UTRN: variants seen among roughly 807,000 people sequenced by gnomAD.
The protein encoded by UTRN is utrophin, also known as dystrophin-related protein 1.
Under a neutral mutation model 463.9 loss-of-function variants are expected in UTRN, and 283 were observed. That is an observed-to-expected ratio of 0.61 (90% CI 0.55 to 0.67). The LOEUF (loss-of-function observed/expected upper bound fraction) is 0.67, where lower values mean the gene tolerates loss of function less well. Among genes scored for constraint, UTRN ranks in the 30% least tolerant of loss-of-function variants. The pLI is 0.00. For missense variants in UTRN, 3,922 were observed against 4,084.3 expected (o/e 0.96, Z 1.08); for synonymous variants, 1,442 against 1,431.5 (o/e 1.01, Z -0.17).
rs77851604 is a variant in UTRN, at chr6:144,605,019, C to G, written c.7479+27731C>G. On this transcript the variant is annotated intron_variant, in intron 51 of 74. Coordinates refer to ENST00000367545, the MANE Select transcript of UTRN (RefSeq NM_007124.3). Reference sequence around the variant, plus strand: ...CATATTTATGGAAGAATCCACTTCTCACGATATATCGTTGGCTTCCCTGCA... The same window carrying G: ...CATATTTATGGAAGAATCCACTTCTGACGATATATCGTTGGCTTCCCTGCA... Among the ~76,000 whole-genome samples, 1,271 of 152,260 alleles carry G rather than the reference C, an allele frequency of 8.3e-3. 11 individuals carry two copies. Among genetic ancestry groups the G allele is most frequent in the South Asian group, 0.029 (138 of 4,822 alleles).
At chr6:144,480,059 C>G in intron 26 of UTRN, 77 bp downstream of exon 26, 3 of 1,512,942 alleles carry the variant, frequency 2.0e-6, no homozygotes, top group Non-Finnish European at 2.7e-6. Context: ...AATCATCTGT[C>G]TATCTGTCAA....
At chr6:144,341,896 G>C (rs888116035) in intron 2 of UTRN, among the ~76,000 whole-genome samples, 5 of 152,274 alleles carry the variant, frequency 3.3e-5, no homozygotes, top group Admixed American at 3.3e-4. Flanking sequence ...AGCTGTACCA[G>C]GAACAATGTT....
chr6:144,630,451 A>G (rs1164073572), intron 51 of UTRN, among the ~76,000 whole-genome samples: 1 of 152,168 alleles, frequency 6.6e-6, no homozygotes. Context: ...AGGAGGAGCA[A>G]AGTCACGTCT....
intron 74 of UTRN, among the ~76,000 whole-genome samples, chr6:144,847,965 A>C (rs916841288): frequency 2.6e-5 from 4 of 152,182 alleles, no homozygotes; most frequent in Admixed American, 2.0e-4. Flanking sequence ...CTTGTTTACT[A>C]ATCTTTTTGA....
chr6:144,514,078 T>A (rs772974991), intron 36 of UTRN, 41 bp downstream of exon 36: 2 of 1,610,216 alleles, frequency 1.2e-6, no homozygotes, highest in African/African-American at 2.7e-5. Flanking sequence ...GGGAGTGGCA[T>A]GTTTTGTTGT....
At chr6:144,798,323 G>T (rs4398764) in intron 64 of UTRN, among the ~76,000 whole-genome samples, 8,964 of 152,144 alleles carry the variant, frequency 0.059, 874 homozygotes, top group African/African-American at 0.2. Flanking sequence ...GATGGAATTT[G>T]GTAAATATTC....
intron 18 of UTRN, 50 bp from the exon 19 acceptor site, chr6:144,453,732 A>C: frequency 6.6e-7 from 1 of 1,525,188 alleles, no homozygotes; most frequent in South Asian, 1.2e-5. Context: ...CAGCAACATT[A>C]TATTGAGAAG....
At chr6:144,653,320 T>TCACG (rs1779012511) in intron 51 of UTRN, among the ~76,000 whole-genome samples, 2 of 152,194 alleles carry the variant, frequency 1.3e-5, no homozygotes, top group South Asian at 4.1e-4. Context: ...GCACGGTGGC[T>TCACG]CACGCCTGTA....
intron 53 of UTRN, among the ~76,000 whole-genome samples, chr6:144,713,817 G>A (rs1433443499): frequency 1.3e-5 from 2 of 151,622 alleles, no homozygotes; most frequent in Non-Finnish European, 1.5e-5. Flanking sequence ...CTACTCGGGA[G>A]GCTGAGGCAG....
chr6:144,516,159 C>T, intron 37 of UTRN, 70 bp from the exon 38 acceptor site: 1 of 1,482,980 alleles, frequency 6.7e-7, no homozygotes, highest in South Asian at 1.2e-5. Context: ...TCTTGACACC[C>T]CATCTCTCTG....
At chr6:144,789,081 A>T in intron 61 of UTRN, 113 bp from the exon 62 acceptor site, 1 of 823,020 alleles carries the variant, frequency 1.2e-6, no homozygotes. Context: ...TGCATCTTTA[A>T]GATACAATTA....
intron 25 of UTRN, among the ~76,000 whole-genome samples, chr6:144,476,508 T>G (rs1791219867): frequency 6.6e-6 from 1 of 152,150 alleles, no homozygotes; most frequent in Admixed American, 6.5e-5. Context: ...AAGCTTCCAC[T>G]TTGTGTGAAT....
intron 2 of UTRN, among the ~76,000 whole-genome samples, chr6:144,311,332 G>A (rs1397195450): frequency 3.3e-5 from 5 of 152,216 alleles, no homozygotes; most frequent in Non-Finnish European, 5.9e-5. Flanking sequence ...CTATACAGCA[G>A]AGTTTGGGGG....
intron 50 of UTRN, among the ~76,000 whole-genome samples, chr6:144,569,435 A>G (rs750176575): frequency 1.5e-4 from 23 of 152,148 alleles, no homozygotes; most frequent in Non-Finnish European, 3.2e-4. Flanking sequence ...GCATGCAATA[A>G]GCAAAATTAA....
At chr6:144,403,331 C>A in intron 3 of UTRN, 147 bp downstream of exon 3, 1 of 711,210 alleles carries the variant, frequency 1.4e-6, no homozygotes, top group Non-Finnish European at 2.4e-6. Context: ...TTCCTTTATT[C>A]TGTCCTAAAA....
intron 66 of UTRN, among the ~76,000 whole-genome samples, chr6:144,825,099 A>G (rs1311957031): frequency 1.3e-5 from 2 of 151,988 alleles, no homozygotes; most frequent in Admixed American, 1.3e-4. Flanking sequence ...TACATTTTAC[A>G]TGATACTAAG....
At chr6:144,541,290 C>A (rs1423931247) in intron 45 of UTRN, among the ~76,000 whole-genome samples, 2 of 152,184 alleles carry the variant, frequency 1.3e-5, no homozygotes, top group African/African-American at 4.8e-5. Flanking sequence ...ACACTCCTTT[C>A]CAGACATGTT....
chr6:144,732,251 T>C (rs1440228607), intron 54 of UTRN, among the ~76,000 whole-genome samples: 8 of 116,094 alleles, frequency 6.9e-5, no homozygotes, highest in African/African-American at 3.4e-4. Context: ...TATATATATA[T>C]ATATATACAC....
Position 144,754,754 on chromosome 6 carries a change from A to T in UTRN, c.8390A>T (p.Glu2797Val). ...GATGATCGCCTTAAACAGCTTCAGG[A>T]AGCCCACAGAGATTTTGGACCATCC... ...SVDDRLKQLQEAHRDFGPSSQ... is the reference protein window; with the variant it reads ...SVDDRLKQLQVAHRDFGPSSQ... The change falls in exon 57 of 75, where the codon GAA becomes GTA. Residue 2797 changes from glutamate to valine, a missense_variant. Coordinates refer to ENST00000367545, the MANE Select transcript of UTRN (RefSeq NM_007124.3). 1 of 1,613,654 alleles carries T rather than the reference A, an allele frequency of 6.2e-7. No homozygotes were observed. The highest frequency in any genetic ancestry group is 8.5e-7 in the Non-Finnish European group (1 of 1,179,752).
Sources: allele counts gnomAD v4.1 joint callset (sites outside exome capture counted in the v4.1 genomes callset), GRCh38; gene constraint gnomAD v4.1.1; transcripts MANE v1.5; gene names NCBI Gene and HGNC (gene_info 2026-07-23, HGNC 2026-07-21).